CSNK1G3: variants seen among roughly 807,000 people sequenced by gnomAD.
The protein encoded by CSNK1G3 is casein kinase I isoform gamma-3.
A neutral mutation model predicts 64.3 loss-of-function variants in CSNK1G3; 23 were observed. The ratio of observed to expected loss-of-function variants is 0.36; its 90% CI spans 0.26 to 0.51. The LOEUF is 0.51. CSNK1G3 is among the 20% of genes least tolerant of loss of function. CSNK1G3 has a pLI of 0.96. For synonymous variants in CSNK1G3, 158 were observed against 162.2 expected (o/e 0.97, Z 0.20); for missense variants, 357 against 510.5 (o/e 0.70, Z 2.90).
intron 1 of CSNK1G3, among the ~76,000 whole-genome samples, chr5:123,528,813 C>G (rs778080982): frequency 6.6e-6 from 1 of 152,108 alleles, no homozygotes; most frequent in Admixed American, 6.6e-5. Context: ...TTCATAGATT[C>G]CATATTTGTA....
intron 4 of CSNK1G3, among the ~76,000 whole-genome samples, chr5:123,564,877 A>G (rs915379775): frequency 2.6e-4 from 40 of 152,270 alleles, no homozygotes; most frequent in African/African-American, 9.4e-4. Context: ...AGCAGCGCTT[A>G]CTATTCAGCT....
At chr5:123,603,355 T>G (rs1794807528) in intron 10 of CSNK1G3, among the ~76,000 whole-genome samples, 1 of 151,996 alleles carries the variant, frequency 6.6e-6, no homozygotes, top group African/African-American at 2.4e-5. Context: ...TTGGGAGAAT[T>G]TGGGAATTTC....
At chr5:123,588,599 A>G in intron 8 of CSNK1G3, 88 bp downstream of exon 8, 1 of 852,260 alleles carries the variant, frequency 1.2e-6, no homozygotes, top group Non-Finnish European at 1.9e-6. Context: ...ATTTTTTTCT[A>G]TGCTTAAAAA....
intron 6 of CSNK1G3, among the ~76,000 whole-genome samples, chr5:123,579,939 A>G (rs1789935985): frequency 1.3e-5 from 2 of 151,980 alleles, no homozygotes; most frequent in African/African-American, 4.8e-5. Context: ...ATTCCTATTT[A>G]AAAAGTTAAG....
chr5:123,572,058 C>A (rs918107826), intron 4 of CSNK1G3, among the ~76,000 whole-genome samples: 1 of 152,182 alleles, frequency 6.6e-6, no homozygotes, highest in Non-Finnish European at 1.5e-5. Flanking sequence ...TGGCCTCAGT[C>A]TGAAGTTGGA....
Position 123,575,966 on chromosome 5 carries a change from ATGTG to A in CSNK1G3, c.673+5_673+8del. The A allele has an allele frequency of 1.3e-6, 2 of 1,582,450 alleles. No individual in the cohort carries two copies. Among genetic ancestry groups the A allele is most frequent in the Non-Finnish European group, 1.7e-6 (2 of 1,152,376 alleles). On this transcript the variant is annotated splice_donor_5th_base_variant and intron_variant, in intron 6 of 12. Transcript: ENST00000345990. ...CATAAACACACATTTAGGAAAAGGT[ATGTG>A]TACCTTTCGTAAGTATGGAAGTTTG... is the stretch of plus-strand genomic sequence containing the variant.
At chr5:123,585,164 T>A (rs1791077165) in intron 6 of CSNK1G3, among the ~76,000 whole-genome samples, 3 of 152,210 alleles carry the variant, frequency 2.0e-5, no homozygotes, top group South Asian at 4.1e-4. Flanking sequence ...GACTTATACA[T>A]AGATGGCCGA....
intron 12 of CSNK1G3, among the ~76,000 whole-genome samples, chr5:123,605,665 A>T (rs1795236200): frequency 6.6e-6 from 1 of 151,992 alleles, no homozygotes; most frequent in South Asian, 2.1e-4. Context: ...AATAGTTTTT[A>T]TTTGCTATTT....
At chr5:123,570,901 G>T (rs10452549) in intron 4 of CSNK1G3, among the ~76,000 whole-genome samples, 1 of 151,994 alleles carries the variant, frequency 6.6e-6, no homozygotes, top group Non-Finnish European at 1.5e-5. Context: ...CGATGTTGTG[G>T]TAGCTGAGAG....
chr5:123,524,900 T>C (rs1478199846), intron 1 of CSNK1G3, among the ~76,000 whole-genome samples: 1 of 152,172 alleles, frequency 6.6e-6, no homozygotes, highest in Non-Finnish European at 1.5e-5. Context: ...TGGTGTTATA[T>C]GCTTTTTAAG....
intron 12 of CSNK1G3, among the ~76,000 whole-genome samples, chr5:123,608,238 C>G (rs1036943494): frequency 2.0e-5 from 3 of 152,142 alleles, no homozygotes; most frequent in African/African-American, 7.2e-5. Flanking sequence ...TCACCCCACC[C>G]CATTTACTAG....
intron 4 of CSNK1G3, among the ~76,000 whole-genome samples, chr5:123,559,452 A>T (rs991411526): frequency 6.6e-6 from 1 of 152,206 alleles, no homozygotes. Flanking sequence ...TAAGAATAAA[A>T]ATGAAACATC....
intron 3 of CSNK1G3, among the ~76,000 whole-genome samples, chr5:123,553,978 T>A (rs1416183742): frequency 6.6e-6 from 1 of 152,172 alleles, no homozygotes; most frequent in African/African-American, 2.4e-5. Context: ...CATGGCTTGG[T>A]TTTCTCTGCC....
At chr5:123,616,584 A>G (rs1300692168) in exon 13 of CSNK1G3, 1 of 152,560 alleles carries the variant, frequency 6.6e-6, no homozygotes, top group African/African-American at 2.4e-5. Context: ...TGGCAACACA[A>G]ACTGGTCAAT....
chr5:123,612,497 G>T (rs2897788), intron 12 of CSNK1G3, among the ~76,000 whole-genome samples: 2 of 149,156 alleles, frequency 1.3e-5, no homozygotes, highest in Non-Finnish European at 1.5e-5. Flanking sequence ...TTTTTTTTTG[G>T]AACAGAGTCT....
At chr5:123,592,580 A>G (rs1792584723) in intron 10 of CSNK1G3, among the ~76,000 whole-genome samples, 1 of 152,150 alleles carries the variant, frequency 6.6e-6, no homozygotes, top group Middle Eastern at 3.4e-3. Context: ...GGAGAAGGAT[A>G]GTATGCCGTC....
intron 1 of CSNK1G3, among the ~76,000 whole-genome samples, chr5:123,521,994 T>A (rs555421256): frequency 3.5e-4 from 53 of 152,312 alleles, no homozygotes; most frequent in Non-Finnish European, 4.9e-4. Context: ...CCTGCAGGGT[T>A]GAAAATAACT....
At chr5:123,557,408 A>C in intron 3 of CSNK1G3, 87 bp from the exon 4 acceptor site, 1 of 939,176 alleles carries the variant, frequency 1.1e-6, no homozygotes, top group East Asian at 2.5e-5. Context: ...TAATATAGGC[A>C]TTGACACCAA....
chr5:123,587,959 A>G (rs1791632436), intron 6 of CSNK1G3, 109 bp from the exon 7 acceptor site: 2 of 658,206 alleles, frequency 3.0e-6, no homozygotes, highest in Non-Finnish European at 5.2e-6. Flanking sequence ...TTGTATTTAT[A>G]TGTTGAACTT....
Sources: gnomAD v4.1 joint callset for allele counts (sites outside exome capture counted in the v4.1 genomes callset) on GRCh38, gnomAD v4.1.1 for gene constraint, MANE v1.5 for transcripts, NCBI Gene and HGNC (gene_info 2026-07-23, HGNC 2026-07-21) for gene names.